The following PID1 variants were observed in gnomAD, a reference collection of about 807,000 sequenced individuals.
PID1 encodes PTB-containing, cubilin and LRP1-interacting protein.
In PID1, 10 loss-of-function variants were observed where a neutral mutation model predicts 19.1. The observed-to-expected ratio is 0.52, with a 90% confidence interval of 0.32 to 0.89. The LOEUF (loss-of-function observed/expected upper bound fraction) is 0.89. PID1 is among the 40% of genes least tolerant of loss of function. The probability of loss-of-function intolerance (pLI) is 0.03; values close to 1 mark genes in which losing one functional copy is unlikely to be tolerated. For missense variants in PID1, 248 were observed against 285.3 expected (o/e 0.87, Z 0.94); for synonymous variants, 130 against 116.0 (o/e 1.12, Z -0.78).
intron 2 of PID1, among the ~76,000 whole-genome samples, chr2:229,055,958 C>G (rs74871599): frequency 0.013 from 2,015 of 152,254 alleles, 33 homozygotes; most frequent in African/African-American, 0.045. Flanking sequence ...CAAGTGGACA[C>G]GGCTGACTGT....
At chr2:229,252,673 C>T (rs1690185406) in intron 1 of PID1, among the ~76,000 whole-genome samples, 1 of 152,166 alleles carries the variant, frequency 6.6e-6, no homozygotes, top group South Asian at 2.1e-4. Context: ...TTCCAGAAAA[C>T]CCCTGAGCTG....
intron 1 of PID1, among the ~76,000 whole-genome samples, chr2:229,206,250 T>C (rs1033726084): frequency 4.0e-5 from 6 of 148,150 alleles, no homozygotes; most frequent in South Asian, 2.1e-4. Flanking sequence ...AACCCTAGTA[T>C]AAGTACAAAA....
chr2:229,069,143 T>TTG (rs61118908), intron 2 of PID1, among the ~76,000 whole-genome samples: 3,595 of 140,700 alleles, frequency 0.026, 109 homozygotes, highest in African/African-American at 0.076. Context: ...AGAAGGGTTT[T>TTG]TGTGTGTGTG....
At chr2:229,040,189 A>G (rs1693742110) in intron 2 of PID1, among the ~76,000 whole-genome samples, 1 of 151,692 alleles carries the variant, frequency 6.6e-6, no homozygotes, top group Non-Finnish European at 1.5e-5. Flanking sequence ...GAAGCTGAGG[A>G]GGGCGGATCA....
intron 1 of PID1, among the ~76,000 whole-genome samples, chr2:229,201,636 A>G (rs1396841343): frequency 6.6e-6 from 1 of 152,090 alleles, no homozygotes; most frequent in East Asian, 1.9e-4. Flanking sequence ...TTTCGTGTAC[A>G]TATCCAGATG....
At chr2:229,064,104 C>T (rs1290918479) in intron 2 of PID1, among the ~76,000 whole-genome samples, 2 of 152,088 alleles carry the variant, frequency 1.3e-5, no homozygotes, top group African/African-American at 4.8e-5. Context: ...TTCAGCCATT[C>T]AAGTGTTTCA....
intron 1 of PID1, among the ~76,000 whole-genome samples, chr2:229,216,717 C>G (rs540640850): frequency 2.2e-4 from 33 of 151,896 alleles, no homozygotes; most frequent in Non-Finnish European, 4.6e-4. Context: ...AAATAAAACC[C>G]ATAAACAAAA....
intron 2 of PID1, among the ~76,000 whole-genome samples, chr2:229,102,732 TC>T (rs1695099359): frequency 6.6e-6 from 1 of 152,194 alleles, no homozygotes; most frequent in African/African-American, 2.4e-5. Context: ...CTGAGGGGCC[TC>T]TACCTGACAA....
intron 1 of PID1, among the ~76,000 whole-genome samples, chr2:229,229,077 T>C (rs1692146483): frequency 6.6e-6 from 1 of 152,182 alleles, no homozygotes; most frequent in Admixed American, 6.5e-5. Flanking sequence ...CCCAATGTCA[T>C]CTAGGACAGC....
At chr2:229,239,294 T>A (rs183353004) in intron 1 of PID1, among the ~76,000 whole-genome samples, 55 of 152,196 alleles carry the variant, frequency 3.6e-4, no homozygotes, top group Non-Finnish European at 6.6e-4. Flanking sequence ...GAACCACTGC[T>A]GTAGAAGAAG....
rs5839294 is a variant in PID1 at position 229,058,727 on chromosome 2, G to GAAAAAAAAAAAA, written c.178-32631_178-32620dup. ...TTAATTAAATTGAGGGTAATAATTT[G>GAAAAAAAAAAAA]AAAAAAAAAAAAAAAAGTGAGTTCC... On this transcript the variant is annotated intron_variant, in intron 2 of 2. Transcript: ENST00000392055. Among the ~76,000 whole-genome samples the GAAAAAAAAAAAA allele has an allele frequency of 2.2e-5, 3 of 134,758 alleles. 1 individual carries two copies. Among genetic ancestry groups the GAAAAAAAAAAAA allele is most frequent in the Non-Finnish European group, 4.7e-5 (3 of 64,396 alleles). 88.4% of individuals were successfully genotyped at this position (134,758 alleles called of 152,430 possible).
chr2:229,071,496 C>T (rs537161639), intron 2 of PID1, among the ~76,000 whole-genome samples: 1 of 152,328 alleles, frequency 6.6e-6, no homozygotes, highest in African/African-American at 2.4e-5. Flanking sequence ...GAGGTAGATA[C>T]TGTTATTATC....
chr2:229,128,386 A>G (rs1489749593), intron 2 of PID1, among the ~76,000 whole-genome samples: 1 of 152,220 alleles, frequency 6.6e-6, no homozygotes, highest in East Asian at 1.9e-4. Context: ...TCCAGTAATT[A>G]GGGAAAGGCT....
intron 2 of PID1, among the ~76,000 whole-genome samples, chr2:229,033,057 G>T (rs1417929503): frequency 1.3e-5 from 2 of 152,118 alleles, no homozygotes; most frequent in East Asian, 1.9e-4. Flanking sequence ...AAACAAACTT[G>T]GTTGCCCGAC....
rs1343138249 is a variant in PID1, at chr2:229,271,182, G to C, written c.-139C>G. On this transcript the variant is annotated 5_prime_UTR_variant, in exon 1 of 3. Transcript: ENST00000392055. The stretch of plus-strand genomic sequence containing the variant: ...TCCTGGCGCTGGCCACCGCCGCCGG[G>C]TGGGCGTAGGGGGCTGCGAGCAGGA... 2.2e-6 allele frequency: 2 copies of C among 925,428 alleles called. No homozygotes were observed. The highest frequency in any genetic ancestry group is 3.2e-6 in the Non-Finnish European group (2 of 620,916). The allele number at this position is 925,428 out of a possible 1,614,324, so 57.3% of individuals were successfully genotyped here.
intron 1 of PID1, among the ~76,000 whole-genome samples, chr2:229,214,684 G>T (rs980377580): frequency 6.6e-6 from 1 of 152,108 alleles, no homozygotes; most frequent in African/African-American, 2.4e-5. Context: ...ACAAAAGATT[G>T]ATCTTTATGC....
At chr2:229,031,911 G>A (rs1574569291) in intron 2 of PID1, among the ~76,000 whole-genome samples, 1 of 152,126 alleles carries the variant, frequency 6.6e-6, no homozygotes, top group African/African-American at 2.4e-5. Flanking sequence ...CCATAATGTT[G>A]ACTGTAAGTC....
chr2:229,167,381 A>T (rs532877219), intron 1 of PID1, among the ~76,000 whole-genome samples: 48 of 152,198 alleles, frequency 3.2e-4, no homozygotes, highest in Non-Finnish European at 6.8e-4. Flanking sequence ...AAATATTGAC[A>T]TAACTTGTCT....
At chr2:229,083,658 A>G (rs1343143048) in intron 2 of PID1, among the ~76,000 whole-genome samples, 1 of 152,204 alleles carries the variant, frequency 6.6e-6, no homozygotes, top group Non-Finnish European at 1.5e-5. Context: ...GTCAGAAATA[A>G]TTCCATTATG....
Sources: gnomAD v4.1 joint callset for allele counts (sites outside exome capture counted in the v4.1 genomes callset) on GRCh38, gnomAD v4.1.1 for gene constraint, MANE v1.5 for transcripts, NCBI Gene and HGNC (gene_info 2026-07-23, HGNC 2026-07-21) for gene names.